Variants in KCNJ12 observed in about 807,000 individuals in gnomAD.
The protein encoded by KCNJ12 is ATP-sensitive inward rectifier potassium channel 12.
A neutral mutation model predicts 22.3 loss-of-function variants in KCNJ12; 2 were observed. The ratio of observed to expected loss-of-function variants is 0.09; its 90% CI spans 0.04 to 0.28. The LOEUF (loss-of-function observed/expected upper bound fraction) is 0.28. KCNJ12 is among the 10% of genes least tolerant of loss of function. The pLI is 1.00. For synonymous variants in KCNJ12, 117 were observed against 261.4 expected, an observed-to-expected ratio of 0.45 and a Z score of 5.33; for missense variants, 155 against 633.3, an observed-to-expected ratio of 0.24 and a Z score of 8.11.
intron 1 of KCNJ12, among the ~76,000 whole-genome samples, chr17:21,381,857 G>A (rs1904879568): frequency 6.6e-6 from 1 of 152,238 alleles, no homozygotes; most frequent in Admixed American, 6.5e-5. Flanking sequence ...TGCCTAAGCG[G>A]TAGGCAGGAG....
chr17:21,400,953 T>G (rs73310123), intron 1 of KCNJ12, among the ~76,000 whole-genome samples: 7 of 152,296 alleles, frequency 4.6e-5, no homozygotes, highest in Admixed American at 6.5e-5. Flanking sequence ...TCCAGCGGTC[T>G]GCATTGCTAT....
chr17:21,409,822 G>C (rs1460427333), intron 2 of KCNJ12, among the ~76,000 whole-genome samples: 1 of 152,266 alleles, frequency 6.6e-6, no homozygotes, highest in African/African-American at 2.4e-5. Flanking sequence ...ATGTGTTGCT[G>C]CTGCCTCTCT....
intron 1 of KCNJ12, among the ~76,000 whole-genome samples, chr17:21,403,614 A>C (rs1298835876): frequency 1.3e-5 from 2 of 152,226 alleles, no homozygotes; most frequent in African/African-American, 4.8e-5. Context: ...GTTCCTGCCC[A>C]TCATTCCTTC....
At chr17:21,388,179 GA>G in intron 1 of KCNJ12, among the ~76,000 whole-genome samples, 1 of 152,326 alleles carries the variant, frequency 6.6e-6, no homozygotes, top group East Asian at 1.9e-4. Flanking sequence ...TCCCGGCAGA[GA>G]AGCCCTCAGG....
chr17:21,390,983 C>A (rs1308198532), intron 1 of KCNJ12, among the ~76,000 whole-genome samples: 1 of 152,216 alleles, frequency 6.6e-6, no homozygotes, highest in Non-Finnish European at 1.5e-5. Context: ...CTGCACCATC[C>A]CCTGGCAGCC....
chr17:21,402,566 G>A (rs1241020046), intron 1 of KCNJ12, among the ~76,000 whole-genome samples: 973 of 151,988 alleles, frequency 6.4e-3, no homozygotes, highest in Middle Eastern at 0.017. Context: ...TATTTTCCTG[G>A]ACTCTACATC....
intron 1 of KCNJ12, among the ~76,000 whole-genome samples, chr17:21,382,412 CT>C (rs1904899464): frequency 6.6e-6 from 1 of 152,204 alleles, no homozygotes; most frequent in South Asian, 2.1e-4. Flanking sequence ...GACAGTGTCT[CT>C]GTTTCTTGCC....
Position 21,381,614 on chromosome 17 carries a change from G to A in KCNJ12, c.-179+4701G>A, listed in dbSNP as rs554168041. 1.9e-3 allele frequency among the ~76,000 whole-genome samples: 286 copies of A among 152,060 alleles called. 1 individual carries two copies. The highest frequency in any genetic ancestry group is 0.014 in the South Asian group (65 of 4,804). On this transcript the variant is annotated intron_variant, in intron 1 of 2. Coordinates refer to ENST00000583088, the MANE Select transcript of KCNJ12 (RefSeq NM_021012.5). Reference sequence around the variant, plus strand: ...ATCTCTGCACGGCCCCTCCCTTACCGCTTTCATGTCTTGCCCAGATGCCAC... The same window carrying A: ...ATCTCTGCACGGCCCCTCCCTTACCACTTTCATGTCTTGCCCAGATGCCAC...
intron 1 of KCNJ12, among the ~76,000 whole-genome samples, chr17:21,397,210 A>G (rs1421518620): frequency 6.6e-6 from 1 of 152,156 alleles, no homozygotes; most frequent in Non-Finnish European, 1.5e-5. Flanking sequence ...CATCCGTCCA[A>G]TGGGGATAAT....
rs1714903 is a variant in KCNJ12, at chr17:21,408,628, T to C, written c.-69T>C. On this transcript the variant is annotated 5_prime_UTR_variant, in exon 2 of 3. Coordinates refer to ENST00000583088, the MANE Select transcript of KCNJ12 (RefSeq NM_021012.5). Reference sequence around the variant, plus strand: ...CCACTCAGCACCATTACATAGAAGATAGAACTCAAGAGGTAAGAGTGAAGT... The same window carrying C: ...CCACTCAGCACCATTACATAGAAGACAGAACTCAAGAGGTAAGAGTGAAGT... 15 of 152,666 alleles carry C rather than the reference T, an allele frequency of 9.8e-5. No individual in the cohort carries two copies. Among genetic ancestry groups the C allele is most frequent in the South Asian group, 4.1e-4 (2 of 4,838 alleles). 9.5% of individuals were successfully genotyped at this position (152,666 alleles called of 1,614,324 possible).
intron 2 of KCNJ12, among the ~76,000 whole-genome samples, chr17:21,414,646 GTCTTCCT>G (rs1906583045): frequency 6.6e-6 from 1 of 152,304 alleles, no homozygotes; most frequent in Non-Finnish European, 1.5e-5. Flanking sequence ...TGGGACATGG[GTCTTCCT>G]GGGGCACAAG....
chr17:21,386,037 C>T (rs941439417), intron 1 of KCNJ12, among the ~76,000 whole-genome samples: 8 of 152,230 alleles, frequency 5.3e-5, no homozygotes, highest in Non-Finnish European at 1.2e-4. Context: ...AAAGCCGAGG[C>T]AGGGATCAGA....
chr17:21,410,460 C>T lies in KCNJ12; in HGVS notation c.-57+1820C>T, dbSNP rs1405205599. Among the ~76,000 whole-genome samples the T allele has an allele frequency of 2.6e-5, 4 of 152,350 alleles. No homozygotes were observed. The South Asian group carries it at 8.3e-4, about 32-fold the overall frequency. On this transcript the variant is annotated intron_variant, in intron 2 of 2. Coordinates refer to ENST00000583088, the MANE Select transcript of KCNJ12 (RefSeq NM_021012.5). Reference sequence around the variant, plus strand: ...GCCTGGGCGAGGCTGGAGCAGGCACCTTGGGCGGGGAGGCGTGCGCCAGCC... The same window carrying T: ...GCCTGGGCGAGGCTGGAGCAGGCACTTTGGGCGGGGAGGCGTGCGCCAGCC...
intron 1 of KCNJ12, among the ~76,000 whole-genome samples, chr17:21,407,729 A>G (rs1313495596): frequency 6.6e-6 from 1 of 151,774 alleles, no homozygotes; most frequent in African/African-American, 2.4e-5. Context: ...CCATCCATCT[A>G]TCCAACCATC....
chr17:21,380,488 C>A (rs116713009), intron 1 of KCNJ12, among the ~76,000 whole-genome samples: 397 of 152,286 alleles, frequency 2.6e-3, no homozygotes, highest in African/African-American at 8.3e-3. Context: ...CAGATGTTGC[C>A]ACCAAGATGG....
intron 1 of KCNJ12, among the ~76,000 whole-genome samples, chr17:21,387,161 C>CAA (rs1462559316): frequency 7.2e-6 from 1 of 137,982 alleles, no homozygotes; most frequent in African/African-American, 2.7e-5. Flanking sequence ...GTCTCAAAAA[C>CAA]AAAAACAAAA....
chr17:21,381,855 C>T (rs782133787), intron 1 of KCNJ12, among the ~76,000 whole-genome samples: 5 of 152,192 alleles, frequency 3.3e-5, no homozygotes, highest in South Asian at 2.1e-4. Context: ...AGTGCCTAAG[C>T]GGTAGGCAGG....
At chr17:21,389,987 C>T (rs535969585) in intron 1 of KCNJ12, among the ~76,000 whole-genome samples, 3 of 152,256 alleles carry the variant, frequency 2.0e-5, no homozygotes, top group South Asian at 4.1e-4. Flanking sequence ...TGGTCCCAGA[C>T]CCTCCTCCTC....
chr17:21,378,001 A>G (rs1042816353), intron 1 of KCNJ12, among the ~76,000 whole-genome samples: 1 of 152,210 alleles, frequency 6.6e-6, no homozygotes, highest in African/African-American at 2.4e-5. Context: ...TGGCTCCCAC[A>G]TCTGCGCCCC....
Sources: allele counts gnomAD v4.1 joint callset (sites outside exome capture counted in the v4.1 genomes callset), GRCh38; gene constraint gnomAD v4.1.1; transcripts MANE v1.5; gene names NCBI Gene and HGNC (gene_info 2026-07-23, HGNC 2026-07-21).